PKP2: variants seen among roughly 807,000 people sequenced by gnomAD.
PKP2 encodes plakophilin 2.
PKP2 carries 73 observed loss-of-function variants against 83.4 expected under a neutral mutation model. The ratio of observed to expected loss-of-function variants is 0.88; its 90% CI spans 0.72 to 1.06. PKP2 has a LOEUF of 1.06. Among genes scored for constraint, PKP2 ranks in the 50% least tolerant of loss-of-function variants. PKP2 has a pLI of 0.00. For missense variants in PKP2, 966 were observed against 1,065.4 expected (o/e 0.91, Z 1.30); for synonymous variants, 409 against 430.4 (o/e 0.95, Z 0.62).
chr12:32,796,175 TG>T lies in PKP2; in HGVS notation c.2290del (p.Gln764ArgfsTer7). ...TLNNIIQNSY[Q>X]NARDLLNTGG... ...GGTGTTTAGAAGGTCGCGTGCATTCTGGTAACTGTTTTGGATTATGTTGTTC... is the reference window on the plus strand; with the variant it reads ...GGTGTTTAGAAGGTCGCGTGCATTCTGTAACTGTTTTGGATTATGTTGTTC... On this transcript the variant is annotated frameshift_variant, in exon 11 of 13. Transcript: ENST00000340811. LOFTEE classifies it high-confidence loss of function. The T allele has an allele frequency of 6.2e-7, 1 of 1,614,152 alleles. No individual in the cohort carries two copies.
chr12:32,870,946 C>T (rs1048926461), intron 3 of PKP2, among the ~76,000 whole-genome samples: 10 of 152,096 alleles, frequency 6.6e-5, no homozygotes, highest in South Asian at 2.1e-4. Context: ...CAATCCAATG[C>T]GATTTCACTT....
At chr12:32,887,845 G>A (rs1453458822) in intron 1 of PKP2, among the ~76,000 whole-genome samples, 1 of 152,166 alleles carries the variant, frequency 6.6e-6, no homozygotes, top group African/African-American at 2.4e-5. Flanking sequence ...TTAGCATCCT[G>A]GTGAAGTATT....
intron 8 of PKP2, 87 bp from the exon 9 acceptor site, chr12:32,821,616 G>A: frequency 2.3e-6 from 3 of 1,295,176 alleles, no homozygotes; most frequent in Non-Finnish European, 3.3e-6. Context: ...CAGAAATACT[G>A]TCTAGAAAGG....
intron 6 of PKP2, among the ~76,000 whole-genome samples, chr12:32,831,763 A>C (rs1956503344): frequency 1.3e-5 from 2 of 152,186 alleles, no homozygotes; most frequent in Non-Finnish European, 2.9e-5. Context: ...CCAATCTGGT[A>C]AAGATATGAA....
chr12:32,891,548 T>C (rs1185534816), intron 1 of PKP2, among the ~76,000 whole-genome samples: 27 of 152,170 alleles, frequency 1.8e-4, no homozygotes. Context: ...ATCTAAAACT[T>C]TGAGGAAATG....
intron 9 of PKP2, chr12:32,820,960 G>A (rs779683046): frequency 2.3e-5 from 6 of 264,408 alleles, no homozygotes; most frequent in African/African-American, 4.5e-5. Flanking sequence ...TATGGAGAGA[G>A]CCTTTGAGAA....
At chr12:32,810,947 C>A (rs1451796955) in intron 9 of PKP2, among the ~76,000 whole-genome samples, 4 of 6,484 alleles carry the variant, frequency 6.2e-4, no homozygotes, top group East Asian at 0.016. Context: ...TCCCAAAGTG[C>A]TGGGATTACA....
At chr12:32,854,715 T>C (rs1288752243) in intron 4 of PKP2, among the ~76,000 whole-genome samples, 3 of 152,206 alleles carry the variant, frequency 2.0e-5, no homozygotes, top group South Asian at 4.1e-4. Flanking sequence ...TCATTTGAGT[T>C]GGTTTCTAAA....
At chr12:32,839,457 G>T (rs1956569930) in intron 6 of PKP2, among the ~76,000 whole-genome samples, 2 of 142,462 alleles carry the variant, frequency 1.4e-5, no homozygotes, top group Admixed American at 1.5e-4. Flanking sequence ...CTTTGCATTT[G>T]CAGGAAATGA....
chr12:32,832,936 A>T (rs1956512904), intron 6 of PKP2, among the ~76,000 whole-genome samples: 2 of 152,182 alleles, frequency 1.3e-5, no homozygotes, highest in African/African-American at 2.4e-5. Flanking sequence ...ATGGATGAGC[A>T]AAGGTAACTA....
intron 1 of PKP2, among the ~76,000 whole-genome samples, chr12:32,890,326 G>A: frequency 6.6e-6 from 1 of 152,008 alleles, no homozygotes; most frequent in Non-Finnish European, 1.5e-5. Context: ...CCCATAAATA[G>A]CTTACTGAGA....
Position 32,892,818 on chromosome 12 carries a change from CGGGGGGGGG to C in PKP2, c.223+3682_223+3690del, listed in dbSNP as rs574559982. 2.0e-4 allele frequency among the ~76,000 whole-genome samples: 4 copies of C among 20,108 alleles called. 1 individual carries two copies. Among genetic ancestry groups the C allele is most frequent in the East Asian group, 1.5e-3 (1 of 650 alleles). 13.2% of individuals were successfully genotyped at this position (20,108 alleles called of 152,430 possible). A position where few individuals can be genotyped will look rare whatever the true frequency, so the allele number is the denominator to read the frequency against. On this transcript the variant is annotated intron_variant, in intron 1 of 12. Coordinates refer to ENST00000340811, the MANE Select transcript of PKP2 (RefSeq NM_001005242.3). Reference sequence around the variant, plus strand: ...TCCACTCAGATACCTGGGGTGGGGGCGGGGGGGGGGGGAGAACTGTGTAGCAAGTAGTAC... The same window carrying C: ...TCCACTCAGATACCTGGGGTGGGGGCGGGAGAACTGTGTAGCAAGTAGTAC...
chr12:32,872,352 G>A (rs1484158923), intron 3 of PKP2, among the ~76,000 whole-genome samples: 1 of 152,034 alleles, frequency 6.6e-6, no homozygotes, highest in Non-Finnish European at 1.5e-5. Context: ...GGCCAACATG[G>A]TGAAACCCCG....
intron 11 of PKP2, among the ~76,000 whole-genome samples, chr12:32,793,612 G>GTTTTTTTTTTT (rs1565571416): frequency 5.3e-5 from 5 of 94,294 alleles, no homozygotes; most frequent in East Asian, 2.4e-4. Flanking sequence ...TTCATATTCT[G>GTTTTTTTTTTT]CTTTTTTTTT....
At chr12:32,836,661 C>T (rs188901404) in intron 6 of PKP2, among the ~76,000 whole-genome samples, 10 of 152,272 alleles carry the variant, frequency 6.6e-5, no homozygotes, top group East Asian at 5.8e-4. Flanking sequence ...AGTTCACTGT[C>T]GGCTCTGAAT....
chr12:32,854,278 G>T (rs1039348296), intron 4 of PKP2, among the ~76,000 whole-genome samples: 3 of 152,176 alleles, frequency 2.0e-5, no homozygotes, highest in Non-Finnish European at 2.9e-5. Flanking sequence ...TTCAGCACTT[G>T]CTCTAGCCCG....
At chr12:32,894,976 G>A (rs1957108728) in intron 1 of PKP2, among the ~76,000 whole-genome samples, 1 of 152,106 alleles carries the variant, frequency 6.6e-6, no homozygotes, top group Non-Finnish European at 1.5e-5. Context: ...AAAAATGGGA[G>A]GGGGCCACGG....
chr12:32,887,353 C>A (rs968793057), intron 1 of PKP2, among the ~76,000 whole-genome samples: 1 of 152,172 alleles, frequency 6.6e-6, no homozygotes, highest in South Asian at 2.1e-4. Context: ...GCCCCCTAAG[C>A]AATTCAAGAG....
chr12:32,851,301 G>A (rs2137864411), intron 4 of PKP2, among the ~76,000 whole-genome samples: 1 of 152,074 alleles, frequency 6.6e-6, no homozygotes, highest in South Asian at 2.1e-4. Context: ...GAAAAGAATT[G>A]GGAATCTAGG....
Sources: allele counts gnomAD v4.1 joint callset (sites outside exome capture counted in the v4.1 genomes callset), GRCh38; gene constraint gnomAD v4.1.1; transcripts MANE v1.5; gene names NCBI Gene and HGNC (gene_info 2026-07-23, HGNC 2026-07-21).